The following HTR4 variants were observed in gnomAD, a reference collection of about 807,000 sequenced individuals.
The protein encoded by HTR4 is 5-hydroxytryptamine (serotonin) receptor 4, G protein-coupled.
HTR4 carries 16 observed loss-of-function variants against 36.8 expected under a neutral mutation model. The observed-to-expected ratio is 0.43, with a 90% CI of 0.29 to 0.66. The LOEUF (loss-of-function observed/expected upper bound fraction) is 0.66. Ranked by LOEUF, HTR4 falls within the 30% of genes least tolerant of loss-of-function variation. The probability of loss-of-function intolerance (pLI) is 0.13; values close to 1 mark genes in which losing one functional copy is unlikely to be tolerated. For missense variants in HTR4, 438 were observed against 490.9 expected (o/e 0.89, Z 1.02); for synonymous variants, 189 against 185.1 (o/e 1.02, Z -0.17).
intron 2 of HTR4, among the ~76,000 whole-genome samples, chr5:148,581,498 C>T (rs534862055): frequency 2.8e-4 from 42 of 152,098 alleles, no homozygotes; most frequent in African/African-American, 9.6e-4. Flanking sequence ...ATCTGTAATT[C>T]ATTTTCAGTT....
chr5:148,576,481 A>G (rs1353940531), intron 2 of HTR4, among the ~76,000 whole-genome samples: 4 of 152,078 alleles, frequency 2.6e-5, no homozygotes, highest in African/African-American at 7.2e-5. Flanking sequence ...TAAAATTTAT[A>G]TGGAACCAAT....
rs1759571669 is a variant in HTR4, at chr5:148,549,459, T to G, written c.153-591A>C. Among the ~76,000 whole-genome samples the G allele has an allele frequency of 2.0e-5, 3 of 152,206 alleles. No homozygotes were observed. In the South Asian group the frequency reaches 6.2e-4, roughly 32 times the overall value. On this transcript the variant is annotated intron_variant, in intron 3 of 6. Coordinates refer to ENST00000377888, the MANE Select transcript of HTR4 (RefSeq NM_000870.7). Reference sequence around the variant, plus strand: ...GGAACTGCTTCGTTATACCCTCTTATGGCCCAGAGGCTCTCATCCCAGGCT... The same window carrying G: ...GGAACTGCTTCGTTATACCCTCTTAGGGCCCAGAGGCTCTCATCCCAGGCT...
At chr5:148,516,908 T>C (rs1271147413) in intron 5 of HTR4, among the ~76,000 whole-genome samples, 1 of 152,162 alleles carries the variant, frequency 6.6e-6, no homozygotes, top group Non-Finnish European at 1.5e-5. Context: ...ATGCATTACT[T>C]TCAATGGCAA....
intron 2 of HTR4, among the ~76,000 whole-genome samples, chr5:148,571,528 G>T (rs996079628): frequency 6.6e-6 from 1 of 151,968 alleles, no homozygotes; most frequent in African/African-American, 2.4e-5. Context: ...TAGATTACTC[G>T]TGGATTTCAT....
rs188308182 is a variant in HTR4, at chr5:148,608,963, G to A, written c.26+28026C>T. Among the ~76,000 whole-genome samples, 39 of 152,316 alleles carry A rather than the reference G, an allele frequency of 2.6e-4. 1 individual carries two copies. Among genetic ancestry groups the A allele is most frequent in the Admixed American group, 1.7e-3 (26 of 15,298 alleles). ...GTCAGGATGCTACATATTCTATCAG[G>A]AGTGTTAATAGAAGAGATTCTTACA... On this transcript the variant is annotated intron_variant, in intron 2 of 6. Transcript: ENST00000377888.
intron 2 of HTR4, among the ~76,000 whole-genome samples, chr5:148,602,542 T>C (rs886708773): frequency 1.3e-5 from 2 of 152,260 alleles, no homozygotes; most frequent in Admixed American, 6.5e-5. Flanking sequence ...GTTAAGAATA[T>C]AATTTTTTCA....
intron 2 of HTR4, among the ~76,000 whole-genome samples, chr5:148,607,806 T>C (rs1040762470): frequency 1.3e-5 from 2 of 152,178 alleles, no homozygotes; most frequent in African/African-American, 4.8e-5. Context: ...AACATAAATG[T>C]CCCATGGACT....
intron 6 of HTR4, among the ~76,000 whole-genome samples, chr5:148,501,247 T>C (rs886290116): frequency 5.9e-5 from 9 of 152,120 alleles, no homozygotes; most frequent in African/African-American, 1.7e-4. Context: ...AAAAACAAGA[T>C]GTAGAAAAGT....
chr5:148,478,977 T>C (rs777641743), downstream of HTR4, among the ~76,000 whole-genome samples: 8 of 152,042 alleles, frequency 5.3e-5, no homozygotes, highest in Non-Finnish European at 7.4e-5. Context: ...CTCCAGGCTC[T>C]TGGATGGCTC....
At chr5:148,463,465 C>A (rs540526241) in intron 5 of HTR4, among the ~76,000 whole-genome samples, 1 of 152,078 alleles carries the variant, frequency 6.6e-6, no homozygotes, top group African/African-American at 2.4e-5. Flanking sequence ...CAGGCATGAG[C>A]CACCACACCT....
chr5:148,580,633 C>T (rs1320139299), intron 2 of HTR4, among the ~76,000 whole-genome samples: 1 of 152,038 alleles, frequency 6.6e-6, no homozygotes, highest in South Asian at 2.1e-4. Context: ...TTTGTCTTTC[C>T]GTGACCGACT....
chr5:148,529,846 GGTCTCA>G (rs1470103624), intron 4 of HTR4, among the ~76,000 whole-genome samples: 4 of 152,188 alleles, frequency 2.6e-5, no homozygotes, highest in African/African-American at 7.2e-5. Context: ...AGGCTGAGGT[GGTCTCA>G]GATAGAGATG....
chr5:148,592,457 T>A (rs1354838496), intron 2 of HTR4, among the ~76,000 whole-genome samples: 1 of 151,838 alleles, frequency 6.6e-6, no homozygotes. Flanking sequence ...TCCTCTCAGC[T>A]CTCTAAGGAT....
chr5:148,521,860 G>T (rs1373558914), intron 5 of HTR4, among the ~76,000 whole-genome samples: 1 of 152,086 alleles, frequency 6.6e-6, no homozygotes, highest in Non-Finnish European at 1.5e-5. Flanking sequence ...GCCTGGAGCT[G>T]TCTTCATTCC....
In HTR4 at chr5:148,591,003, G is replaced by T. The variant is rs532762780; in HGVS notation, c.27-40741C>A. ...TTTAATCCATATTGAGTTGATTTTT[G>T]TATATGGTGTAAGGAAGGGGTCCAG... On this transcript the variant is annotated intron_variant, in intron 2 of 6. Transcript: ENST00000377888. Among the ~76,000 whole-genome samples, 5 of 152,192 alleles carry T rather than the reference G, an allele frequency of 3.3e-5. No individual in the cohort carries two copies. The East Asian group carries it at 9.6e-4, about 29-fold the overall frequency.
intron 6 of HTR4, among the ~76,000 whole-genome samples, chr5:148,486,724 T>C (rs1756176334): frequency 6.6e-6 from 1 of 152,200 alleles, no homozygotes; most frequent in Non-Finnish European, 1.5e-5. Flanking sequence ...TAGTATCTGA[T>C]ACTTTATATT....
intron 4 of HTR4, among the ~76,000 whole-genome samples, chr5:148,542,834 A>G (rs1373550166): frequency 6.6e-6 from 1 of 152,170 alleles, no homozygotes; most frequent in Non-Finnish European, 1.5e-5. Context: ...GAGGCTCCAT[A>G]AAGATACCTG....
intron 6 of HTR4, 128 bp from the exon 7 acceptor site, chr5:148,483,421 T>A: frequency 1.3e-6 from 1 of 798,434 alleles, no homozygotes; most frequent in Non-Finnish European, 2.1e-6. Context: ...TGGCTTCTAC[T>A]TAGGAATTTC....
intron 5 of HTR4, among the ~76,000 whole-genome samples, chr5:148,522,265 T>C (rs1379131902): frequency 6.6e-6 from 1 of 152,162 alleles, no homozygotes; most frequent in African/African-American, 2.4e-5. Context: ...TTATCAGCAG[T>C]GTAAAAATGG....
Sources: gnomAD v4.1 joint callset for allele counts (sites outside exome capture counted in the v4.1 genomes callset) on GRCh38, gnomAD v4.1.1 for gene constraint, MANE v1.5 for transcripts, NCBI Gene and HGNC (gene_info 2026-07-23, HGNC 2026-07-21) for gene names.